PCDH7: variants seen among roughly 807,000 people sequenced by gnomAD.
PCDH7 encodes protocadherin-7.
In PCDH7, 17 loss-of-function variants were observed where a neutral mutation model predicts 58.9. The ratio of observed to expected loss-of-function variants is 0.29; its 90% confidence interval spans 0.20 to 0.43. The LOEUF (loss-of-function observed/expected upper bound fraction) is 0.43. PCDH7 is among the 20% of genes least tolerant of loss of function. The pLI, the probability that PCDH7 is intolerant of heterozygous loss-of-function variation, is 1.00. For missense variants in PCDH7, 1,274 were observed against 1,441.0 expected (o/e 0.88, Z 1.88); for synonymous variants, 664 against 616.4 (o/e 1.08, Z -1.14).
At chr4:30,946,544 G>A (rs1746702193) in intron 2 of PCDH7, among the ~76,000 whole-genome samples, 1 of 150,366 alleles carries the variant, frequency 6.7e-6, no homozygotes, top group South Asian at 2.1e-4. Flanking sequence ...TTTCTTTTCT[G>A]CAGCAACTCT....
intron 1 of PCDH7, among the ~76,000 whole-genome samples, chr4:30,790,239 G>A (rs1391851324): frequency 2.0e-5 from 3 of 152,110 alleles, no homozygotes; most frequent in Non-Finnish European, 4.4e-5. Context: ...CTGTAGAGGC[G>A]ATATATTCAT....
At chr4:30,947,800 C>T (rs1165791183) in intron 2 of PCDH7, among the ~76,000 whole-genome samples, 1 of 152,092 alleles carries the variant, frequency 6.6e-6, no homozygotes, top group African/African-American at 2.4e-5. Context: ...GAACCTATTT[C>T]TTTCCTCCTA....
chr4:30,889,893 G>A (rs1262864245), intron 1 of PCDH7, among the ~76,000 whole-genome samples: 1 of 152,130 alleles, frequency 6.6e-6, no homozygotes, highest in Non-Finnish European at 1.5e-5. Context: ...ATCATACTGG[G>A]CATTGCAGAG....
At chr4:31,125,035 G>A (rs1306200599) in intron 3 of PCDH7, among the ~76,000 whole-genome samples, 1 of 152,106 alleles carries the variant, frequency 6.6e-6, no homozygotes. Flanking sequence ...TTCTTGCCAT[G>A]TAGGATCTAA....
intron 1 of PCDH7, among the ~76,000 whole-genome samples, chr4:30,738,669 CTG>C (rs1716642036): frequency 6.6e-6 from 1 of 152,252 alleles, no homozygotes; most frequent in Admixed American, 6.5e-5. Flanking sequence ...AGTCTAAAAA[CTG>C]TTTCACAAAT....
intron 1 of PCDH7, among the ~76,000 whole-genome samples, chr4:30,821,190 G>A (rs1728328821): frequency 6.6e-6 from 1 of 152,162 alleles, no homozygotes. Flanking sequence ...ATCTCACTCT[G>A]TTCACTCTCA....
At chr4:30,989,476 C>T (rs1751272957) in intron 3 of PCDH7, among the ~76,000 whole-genome samples, 1 of 152,116 alleles carries the variant, frequency 6.6e-6, no homozygotes, top group African/African-American at 2.4e-5. Context: ...GATGAAATGT[C>T]TGTGTAGTGT....
rs140707268 is a variant in PCDH7 at position 31,081,889 on chromosome 4, C to G, written c.*8-60584C>G. On this transcript the variant is annotated intron_variant, in intron 3 of 3. Coordinates refer to the PCDH7 transcript ENST00000509759. ...CTGGGTTCAAGCAATTCTGCTGCCT[C>G]AGCCTACTGAATAGCTGGGATTACA... is the stretch of plus-strand genomic sequence containing the variant. Among the ~76,000 whole-genome samples, 1,293 of 152,052 alleles carry G rather than the reference C, an allele frequency of 8.5e-3. 16 individuals are homozygous for G. The highest frequency in any genetic ancestry group is 0.03 in the African/African-American group (1,237 of 41,470).
At chr4:30,796,858 C>G (rs2109302933) in intron 1 of PCDH7, among the ~76,000 whole-genome samples, 1 of 152,316 alleles carries the variant, frequency 6.6e-6, no homozygotes, top group East Asian at 1.9e-4. Flanking sequence ...CTAATCCTTA[C>G]TGTTATCTCT....
At chr4:30,826,216 A>G (rs891292405) in intron 1 of PCDH7, among the ~76,000 whole-genome samples, 5 of 152,198 alleles carry the variant, frequency 3.3e-5, no homozygotes, top group African/African-American at 9.6e-5. Context: ...TTGAGTTTAG[A>G]ATCATAAATA....
chr4:30,979,027 G>A (rs541474980), intron 3 of PCDH7, among the ~76,000 whole-genome samples: 58 of 152,140 alleles, frequency 3.8e-4, no homozygotes, highest in African/African-American at 1.4e-3. Context: ...ATTTTCATTG[G>A]TGAGAAAAGA....
intron 1 of PCDH7, among the ~76,000 whole-genome samples, chr4:30,857,978 A>G (rs1733703694): frequency 1.3e-5 from 2 of 152,188 alleles, no homozygotes; most frequent in South Asian, 2.1e-4. Flanking sequence ...ATAACACAGA[A>G]TTAAGTAAAG....
At chr4:30,943,723 T>G (rs1337389234) in intron 2 of PCDH7, among the ~76,000 whole-genome samples, 1 of 151,240 alleles carries the variant, frequency 6.6e-6, no homozygotes, top group East Asian at 1.9e-4. Flanking sequence ...TTTTTTTTGC[T>G]GTTTTTTTTT....
chr4:30,923,498 A>G (rs951187236), intron 2 of PCDH7, among the ~76,000 whole-genome samples: 4 of 152,114 alleles, frequency 2.6e-5, no homozygotes, highest in African/African-American at 4.8e-5. Flanking sequence ...ATATTCTAAA[A>G]CACATTACCG....
rs114983010 is a variant in PCDH7, at chr4:31,119,828, A to G, written c.*8-22645A>G. On this transcript the variant is annotated intron_variant, in intron 3 of 3. Transcript: ENST00000509759. ...GAGGCATTCTTCCCTTTTCCAGTGG[A>G]CTGTGCCAGAAGGTCTTACGCCAGT... 2.1e-3 allele frequency among the ~76,000 whole-genome samples: 324 copies of G among 152,126 alleles called. 1 individual carries two copies. The highest frequency in any genetic ancestry group is 7.5e-3 in the African/African-American group (310 of 41,494).
chr4:30,770,580 A>G (rs147803729), intron 1 of PCDH7, among the ~76,000 whole-genome samples: 37 of 152,336 alleles, frequency 2.4e-4, no homozygotes, highest in Admixed American at 2.4e-3. Context: ...CAGTAACAGT[A>G]ACTGAATGCC....
At chr4:31,075,340 A>T (rs543416401) in intron 3 of PCDH7, among the ~76,000 whole-genome samples, 1 of 152,268 alleles carries the variant, frequency 6.6e-6, no homozygotes, top group South Asian at 2.1e-4. Context: ...GATTAAGAGT[A>T]AATAAAAAGA....
At chr4:30,946,373 A>G (rs1455431973) in intron 2 of PCDH7, among the ~76,000 whole-genome samples, 1 of 152,048 alleles carries the variant, frequency 6.6e-6, no homozygotes, top group Admixed American at 6.6e-5. Flanking sequence ...TCTCCTACCT[A>G]TCAAGGATGT....
At chr4:30,799,896 C>A (rs1047175689) in intron 1 of PCDH7, among the ~76,000 whole-genome samples, 1 of 151,506 alleles carries the variant, frequency 6.6e-6, no homozygotes, top group Admixed American at 6.6e-5. Context: ...CTCTGTCACC[C>A]AGGCTGGAGT....
Sources: allele counts gnomAD v4.1 joint callset (sites outside exome capture counted in the v4.1 genomes callset), GRCh38; gene constraint gnomAD v4.1.1; transcripts MANE v1.5; gene names NCBI Gene and HGNC (gene_info 2026-07-23, HGNC 2026-07-21).